Variants in UGT1A10 observed in about 807,000 individuals in gnomAD.
UGT1A10 encodes UDP-glucuronosyltransferase 1A10.
Under a neutral mutation model 45.8 loss-of-function variants are expected in UGT1A10, and 49 were observed. The ratio of observed to expected loss-of-function variants is 1.07; its 90% confidence interval spans 0.85 to 1.36. The LOEUF is 1.36. UGT1A10 is among the 40% of genes most tolerant of loss of function. The pLI is 0.00. For missense variants in UGT1A10, 745 were observed against 668.6 expected (o/e 1.11, Z -1.26); for synonymous variants, 284 against 249.7 (o/e 1.14, Z -1.29).
intron 1 of UGT1A10, among the ~76,000 whole-genome samples, chr2:233,658,828 T>C (rs2073907888): frequency 6.6e-6 from 1 of 152,242 alleles, no homozygotes; most frequent in South Asian, 2.1e-4. Context: ...GTTCCATTGA[T>C]CCAGTTGTGA....
intron 3 of UGT1A10, 123 bp downstream of exon 3, chr2:233,768,059 T>G: frequency 3.1e-6 from 5 of 1,601,374 alleles, no homozygotes; most frequent in Non-Finnish European, 4.3e-6. Flanking sequence ...CCTACATTGC[T>G]TTTTATCTAG....
chr2:233,641,312 T>C (rs2073446168), intron 1 of UGT1A10, among the ~76,000 whole-genome samples: 1 of 152,126 alleles, frequency 6.6e-6, no homozygotes. Flanking sequence ...GCAAATACTA[T>C]CTTATAAACC....
intron 1 of UGT1A10, among the ~76,000 whole-genome samples, chr2:233,695,947 AC>A (rs1335972362): frequency 1.3e-5 from 2 of 152,068 alleles, no homozygotes; most frequent in Non-Finnish European, 2.9e-5. Flanking sequence ...TCTGCCAGAT[AC>A]CAGCTGGGTG....
At chr2:233,762,731 G>A (rs574048851) in intron 1 of UGT1A10, among the ~76,000 whole-genome samples, 140 of 149,512 alleles carry the variant, frequency 9.4e-4, no homozygotes, top group African/African-American at 3.3e-3. Context: ...TTTTTTTTTG[G>A]TCACTACTGT....
intron 1 of UGT1A10, among the ~76,000 whole-genome samples, chr2:233,645,639 A>G (rs916523778): frequency 8.5e-5 from 13 of 152,224 alleles, no homozygotes; most frequent in African/African-American, 2.4e-4. Context: ...GTCAAATCTT[A>G]AAGCTCCAAA....
At chr2:233,639,884 A>T (rs989684788) in intron 1 of UGT1A10, among the ~76,000 whole-genome samples, 25 of 152,258 alleles carry the variant, frequency 1.6e-4, no homozygotes, top group African/African-American at 6.0e-4. Flanking sequence ...TAAATAATTC[A>T]GCAGAACATT....
intron 1 of UGT1A10, chr2:233,681,970 C>T (rs7577677): frequency 1.9e-6 from 3 of 1,613,842 alleles, no homozygotes; most frequent in South Asian, 2.2e-5. Context: ...GCCTCCTTCC[C>T]CTATATGTGT....
Position 233,737,701 on chromosome 2 carries a change from G to A in UGT1A10, c.856-29333G>A, listed in dbSNP as rs28898624. On this transcript the variant is annotated intron_variant, in intron 1 of 4. Transcript: ENST00000344644. ...TTTGGCCATTGGTGCTGAAGCTTCC[G>A]TTCTCCTCTCCAACACCTCCTTTTT... 9.9e-3 allele frequency among the ~76,000 whole-genome samples: 1,506 copies of A among 152,128 alleles called. 21 individuals carry two copies. Among genetic ancestry groups the A allele is most frequent in the African/African-American group, 0.034 (1,429 of 41,486 alleles).
At chr2:233,764,627 A>C (rs2126011336) in intron 1 of UGT1A10, among the ~76,000 whole-genome samples, 1 of 152,212 alleles carries the variant, frequency 6.6e-6, no homozygotes, top group South Asian at 2.1e-4. Flanking sequence ...CATGAAGAGC[A>C]AAGGTCCTAG....
chr2:233,677,727 T>A (rs2074397652), intron 1 of UGT1A10, among the ~76,000 whole-genome samples: 1 of 152,110 alleles, frequency 6.6e-6, no homozygotes, highest in Non-Finnish European at 1.5e-5. Flanking sequence ...ACCCTCTTGG[T>A]GGGAATGCAA....
chr2:233,741,733 T>C (rs968212915), intron 1 of UGT1A10: 2 of 151,882 alleles, frequency 1.3e-5, no homozygotes, highest in African/African-American at 4.9e-5. Flanking sequence ...TCCAAACCCA[T>C]ATCACACTCT....
chr2:233,661,116 GAATTACTCTTTGACA>G (rs199786036), intron 1 of UGT1A10, among the ~76,000 whole-genome samples: 1,956 of 152,008 alleles, frequency 0.013, 35 homozygotes, highest in South Asian at 0.035. Context: ...TCATGATACA[GAATTACTCTTTGACA>G]AATTATCTAT....
chr2:233,729,276 G>C (rs765243640), intron 1 of UGT1A10: 57 of 1,614,114 alleles, frequency 3.5e-5, no homozygotes, highest in African/African-American at 5.3e-5. Flanking sequence ...TCTTGCGGGA[G>C]CTCCATGCCA....
rs2077433464 is a variant in UGT1A10, at chr2:233,725,312, A to AGAGGCAGAGGCG, written c.856-41717_856-41716insAGAGGCGGAGGC. ...CAGAGGCAGAGGCAGAGGCAGAGGCAGAGGCGCCTGGTCAACAATCTTAAG... is the reference window on the plus strand; with the variant it reads ...CAGAGGCAGAGGCAGAGGCAGAGGCAGAGGCAGAGGCGGAGGCGCCTGGTCAACAATCTTAAG... On this transcript the variant is annotated intron_variant, in intron 1 of 4. Transcript: ENST00000344644. 1.8e-5 allele frequency among the ~76,000 whole-genome samples: 2 copies of AGAGGCAGAGGCG among 110,292 alleles called. 1 individual carries two copies. Among genetic ancestry groups the AGAGGCAGAGGCG allele is most frequent in the Non-Finnish European group, 3.5e-5 (2 of 56,414 alleles). 72.4% of individuals were successfully genotyped at this position (110,292 alleles called of 152,430 possible).
At chr2:233,770,756 T>C (rs1700148288) in intron 4 of UGT1A10, 1 of 152,202 alleles carries the variant, frequency 6.6e-6, no homozygotes, top group Non-Finnish European at 1.5e-5. Context: ...AGTACTAATA[T>C]TACATTATAA....
At chr2:233,686,360 A>G (rs983184059) in intron 1 of UGT1A10, among the ~76,000 whole-genome samples, 1 of 152,180 alleles carries the variant, frequency 6.6e-6, no homozygotes, top group Admixed American at 6.5e-5. Context: ...ATCAAAGGAT[A>G]CTATCAAGAG....
chr2:233,739,834 G>T (rs1286639353), intron 1 of UGT1A10, among the ~76,000 whole-genome samples: 1 of 152,016 alleles, frequency 6.6e-6, no homozygotes, highest in Non-Finnish European at 1.5e-5. Context: ...GAAAAGACAT[G>T]AGATTTGGGA....
At position 233,769,509 on chromosome 2, in the gene UGT1A10, C is replaced by T; in HGVS notation, c.1295+1070C>T. 2 of 1,612,822 alleles carry T rather than the reference C, an allele frequency of 1.2e-6. No homozygotes were observed. Among genetic ancestry groups the T allele is most frequent in the Non-Finnish European group, 1.7e-6 (2 of 1,179,850 alleles). On this transcript the variant is annotated intron_variant, in intron 4 of 4. Coordinates refer to ENST00000344644, the MANE Select transcript of UGT1A10 (RefSeq NM_019075.4). This position sits in a 1 kb window ranked among gnomAD's most constrained non-coding sequence, Gnocchi z 4.4. Reference sequence around the variant, plus strand: ...TGTTTATGAGAGTGTCCATTGCTTTCTCCCATGGTTACCTCCTTTAGAAAG... The same window carrying T: ...TGTTTATGAGAGTGTCCATTGCTTTTTCCCATGGTTACCTCCTTTAGAAAG...
At chr2:233,732,755 GT>G (rs956485327) in intron 1 of UGT1A10, among the ~76,000 whole-genome samples, 12,936 of 120,072 alleles carry the variant, frequency 0.11, 575 homozygotes, top group East Asian at 0.2. Context: ...CACCAGCTTT[GT>G]TTTTTTTTTT....
Sources: allele counts gnomAD v4.1 joint callset (sites outside exome capture counted in the v4.1 genomes callset), GRCh38; gene constraint gnomAD v4.1.1; non-coding constraint Gnocchi (gnomAD v3.1); transcripts MANE v1.5; gene names NCBI Gene and HGNC (gene_info 2026-07-23, HGNC 2026-07-21).